ETS2: variants seen among roughly 807,000 people sequenced by gnomAD.
ETS2 encodes ETS proto-oncogene 2, transcription factor.
ETS2 carries 19 observed loss-of-function variants against 54.9 expected under a neutral mutation model. The observed-to-expected ratio is 0.35, with a 90% CI of 0.24 to 0.51. ETS2 has a LOEUF of 0.51. ETS2 is among the 20% of genes least tolerant of loss of function. ETS2 has a pLI of 0.97. For missense variants in ETS2, 417 were observed against 593.0 expected, an observed-to-expected ratio of 0.70 and a Z score of 3.08; for synonymous variants, 219 against 229.3, an observed-to-expected ratio of 0.95 and a Z score of 0.41.
chr21:38,809,956 TC>T, intron 1 of ETS2, 78 bp from the exon 2 acceptor site: 2 of 894,070 alleles, frequency 2.2e-6, no homozygotes, highest in South Asian at 1.7e-5. Context: ...TCAGCCAGGA[TC>T]AAGTCTTGAT....
chr21:38,823,662 C>T lies in ETS2; in HGVS notation c.*773C>T, dbSNP rs2060967589. 6.6e-6 allele frequency: 1 copy of T among 152,398 alleles called. No homozygotes were observed. The highest frequency in any genetic ancestry group is 1.5e-5 in the Non-Finnish European group (1 of 68,128). 9.4% of individuals were successfully genotyped at this position (152,398 alleles called of 1,614,324 possible). ...GTTTGTTTTTGGGGGGTTTTCTTGC[C>T]TTGGTTGTCTGGCAAGGACTTTGTA... On this transcript the variant is annotated 3_prime_UTR_variant, in exon 10 of 10. Coordinates refer to ENST00000360938, the MANE Select transcript of ETS2 (RefSeq NM_005239.6).
At chr21:38,819,461 G>A (rs1412274865) in intron 7 of ETS2, 42 bp from the exon 8 acceptor site, 1 of 1,604,988 alleles carries the variant, frequency 6.2e-7, no homozygotes, top group Admixed American at 1.7e-5. Flanking sequence ...GACCAACTGT[G>A]TCCTGGAGGA....
chr21:38,805,491 C>G (rs549200277), upstream of ETS2: 54 of 1,288,082 alleles, frequency 4.2e-5, no homozygotes, highest in African/African-American at 4.7e-4. This position sits in a 1 kb window ranked among gnomAD's most constrained non-coding sequence, Gnocchi z 5.2. Flanking sequence ...GAGCGCTCCA[C>G]GGAAAGTCTC....
At chr21:38,809,157 AT>A (rs1420342873) in intron 1 of ETS2, among the ~76,000 whole-genome samples, 2 of 152,254 alleles carry the variant, frequency 1.3e-5, no homozygotes, top group Non-Finnish European at 2.9e-5. Flanking sequence ...TATTCGAAAT[AT>A]TATGTATGTA....
chr21:38,810,428 G>C (rs932921538), intron 2 of ETS2, among the ~76,000 whole-genome samples: 2 of 152,148 alleles, frequency 1.3e-5, no homozygotes, highest in African/African-American at 4.8e-5. Context: ...TGCCTTTTCT[G>C]TCTACCCAGG....
rs1569025995 is a variant in ETS2, at chr21:38,819,766, G to GGT, written c.1075+8_1075+9dup. The GGT allele has an allele frequency of 1.2e-6, 2 of 1,611,984 alleles. No individual in the cohort carries two copies. Among genetic ancestry groups the GGT allele is most frequent in the South Asian group, 1.1e-5 (1 of 90,888 alleles). ...TGCAGCTGTGCTGGCCGGCTTCACAGGTGTGTGTGGAACTCCGAGAGCCTG... is the reference window on the plus strand; with the variant it reads ...TGCAGCTGTGCTGGCCGGCTTCACAGGTGTGTGTGTGGAACTCCGAGAGCCTG... On this transcript the variant is annotated frameshift_variant and splice_region_variant. Transcript: ENST00000360938. LOFTEE classifies it high-confidence loss of function.
intron 7 of ETS2, 69 bp from the exon 8 acceptor site, chr21:38,819,434 G>A: frequency 6.8e-7 from 1 of 1,460,288 alleles, no homozygotes; most frequent in East Asian, 2.3e-5. Context: ...GGTTGGTGAT[G>A]CTATGGTCGT....
Position 38,819,561 on chromosome 21 carries a change from C to T in ETS2, c.870C>T (p.Asp290=), listed in dbSNP as rs1275350304. 1.2e-6 allele frequency: 2 copies of T among 1,614,198 alleles called. No individual in the cohort carries two copies. The highest frequency in any genetic ancestry group is 1.7e-6 in the Non-Finnish European group (2 of 1,180,014). The change falls in exon 8 of 10, where the codon GAC becomes GAT. Residue 290 remains aspartate, a synonymous_variant. Coordinates refer to ENST00000360938, the MANE Select transcript of ETS2 (RefSeq NM_005239.6). ...ENGADSFESS[D]SLLQSWNSQS... Reference sequence around the variant, plus strand: ...GTGCGGACAGCTTCGAGAGCTCAGACTCCCTCCTCCAGTCCTGGAACAGCC... The same window carrying T: ...GTGCGGACAGCTTCGAGAGCTCAGATTCCCTCCTCCAGTCCTGGAACAGCC...
In ETS2 at chr21:38,817,018, A is replaced by C. The variant is rs747434496; in HGVS notation, c.516A>C (p.Glu172Asp). 6.2e-7 allele frequency: 1 copy of C among 1,610,180 alleles called. No individual in the cohort carries two copies. Among genetic ancestry groups the C allele is most frequent in the Admixed American group, 1.7e-5 (1 of 59,996 alleles). Residue 172 changes from glutamate to aspartate, a missense_variant, in exon 6 of 10, where the codon GAA becomes GAC. This residue lies in a region of ETS2 where 326 missense variants were observed against 426.1 expected (regional missense o/e 0.76). Coordinates refer to ENST00000360938, the MANE Select transcript of ETS2 (RefSeq NM_005239.6). The stretch of plus-strand genomic sequence containing the variant: ...GTGTCTGCTTTTCAGAAAACCAAGA[A>C]AAGACAGAAGATCAATATGAAGAAA... ...HLEQMIKENQEKTEDQYEENS... is the reference protein window; with the variant it reads ...HLEQMIKENQDKTEDQYEENS...
chr21:38,811,415 C>T (rs1212021379), intron 2 of ETS2, among the ~76,000 whole-genome samples: 1 of 152,138 alleles, frequency 6.6e-6, no homozygotes, highest in Non-Finnish European at 1.5e-5. Context: ...GGGCTCCAGC[C>T]TCTGCCTGCC....
At chr21:38,811,619 C>T (rs528134258) in intron 2 of ETS2, among the ~76,000 whole-genome samples, 28 of 152,222 alleles carry the variant, frequency 1.8e-4, no homozygotes, top group African/African-American at 5.5e-4. Flanking sequence ...ACAATTTAGG[C>T]GATGATGAAT....
rs570937767 is a variant in ETS2 at position 38,812,579 on chromosome 21, G to A, written c.73-424G>A. On this transcript the variant is annotated intron_variant, in intron 2 of 9. Coordinates refer to ENST00000360938, the MANE Select transcript of ETS2 (RefSeq NM_005239.6). ...GTGGATTACACGAGGTCAGGAGTTT[G>A]AGACCAGCCTGGCCAACATGGTGAA... Among the ~76,000 whole-genome samples the A allele has an allele frequency of 3.9e-4, 59 of 152,314 alleles. No homozygotes were observed. The South Asian group carries it at 0.01, about 26-fold the overall frequency.
Position 38,823,036 on chromosome 21 carries a change from A to T in ETS2, c.*147A>T. On this transcript the variant is annotated 3_prime_UTR_variant, in exon 10 of 10. Transcript: ENST00000360938. ...AAGCAGTGGCCTTATTGCATCCCAA[A>T]CCACGCCTCTTGACCAGGCTGCCTC... 1.8e-6 allele frequency: 1 copy of T among 551,612 alleles called. No individual in the cohort carries two copies. The highest frequency in any genetic ancestry group is 3.0e-6 in the Non-Finnish European group (1 of 335,336). The allele number at this position is 551,612 out of a possible 1,614,324, so 34.2% of individuals were successfully genotyped here. A position where few individuals can be genotyped will look rare whatever the true frequency, so the allele number is the denominator to read the frequency against.
chr21:38,814,072 T>A lies in ETS2; in HGVS notation c.185-201T>A, dbSNP rs2060923379. On this transcript the variant is annotated intron_variant, in intron 3 of 9. Coordinates refer to ENST00000360938, the MANE Select transcript of ETS2 (RefSeq NM_005239.6). The surrounding 1 kb of genome is among the most constrained non-coding windows in gnomAD (Gnocchi z 4.2). ...ATCTGAGTTTTATTTTAGATTTTTT[T>A]AATAAGTATAGTTCTGAGATATATA... Among the ~76,000 whole-genome samples, 3 of 152,392 alleles carry A rather than the reference T, an allele frequency of 2.0e-5. No individual in the cohort carries two copies. Among genetic ancestry groups the A allele is most frequent in the Admixed American group, 6.5e-5 (1 of 15,310 alleles).
At chr21:38,805,670 C>A (rs905937997), upstream of ETS2, 1 of 1,190,116 alleles carries the variant, frequency 8.4e-7, no homozygotes, top group Admixed American at 3.3e-5. This position sits in a 1 kb window ranked among gnomAD's most constrained non-coding sequence, Gnocchi z 5.2. Context: ...CCTCCGCCCT[C>A]CTCTTCTCTC....
intron 5 of ETS2, among the ~76,000 whole-genome samples, chr21:38,815,344 A>G (rs2060929023): frequency 6.6e-6 from 1 of 152,156 alleles, no homozygotes; most frequent in African/African-American, 2.4e-5. Flanking sequence ...CTCACCTTAC[A>G]GAGCTAAGAG....
Position 38,823,809 on chromosome 21 carries a change from T to C in ETS2, c.*920T>C, listed in dbSNP as rs962084419. 2.0e-5 allele frequency: 3 copies of C among 152,662 alleles called. No homozygotes were observed. The highest frequency in any genetic ancestry group is 7.2e-5 in the African/African-American group (3 of 41,466). 9.5% of individuals were successfully genotyped at this position (152,662 alleles called of 1,614,324 possible). ...AGTATTTTTCTTGACAAATGGCATA[T>C]GTTTTCCACTTCTTTGCATGCGTTT... On this transcript the variant is annotated 3_prime_UTR_variant, in exon 10 of 10. Coordinates refer to ENST00000360938, the MANE Select transcript of ETS2 (RefSeq NM_005239.6).
Position 38,814,220 on chromosome 21 carries a change from C to A in ETS2, c.185-53C>A. The A allele has an allele frequency of 1.3e-6, 2 of 1,582,826 alleles. No homozygotes were observed. Among genetic ancestry groups the A allele is most frequent in the Non-Finnish European group, 1.7e-6 (2 of 1,158,084 alleles). On this transcript the variant is annotated intron_variant, in intron 3 of 9. Coordinates refer to ENST00000360938, the MANE Select transcript of ETS2 (RefSeq NM_005239.6). This position sits in a 1 kb window ranked among gnomAD's most constrained non-coding sequence, Gnocchi z 4.2. The stretch of plus-strand genomic sequence containing the variant: ...CTAAGATGTCTCTCCTAAATCTCCA[C>A]CTGATATCACCAACTTGAAGTCCTA...
chr21:38,814,234 C>T lies in ETS2; in HGVS notation c.185-39C>T. ...CTAAATCTCCACCTGATATCACCAA[C>T]TTGAAGTCCTAATGTCCCCATGGGG... On this transcript the variant is annotated intron_variant, in intron 3 of 9. Coordinates refer to ENST00000360938, the MANE Select transcript of ETS2 (RefSeq NM_005239.6). This position sits in a 1 kb window ranked among gnomAD's most constrained non-coding sequence, Gnocchi z 4.2. 3.1e-6 allele frequency: 5 copies of T among 1,603,000 alleles called. No homozygotes were observed. Among genetic ancestry groups the T allele is most frequent in the Non-Finnish European group, 4.3e-6 (5 of 1,173,728 alleles).
Sources: allele counts gnomAD v4.1 joint callset (sites outside exome capture counted in the v4.1 genomes callset), GRCh38; gene constraint gnomAD v4.1.1; regional missense constraint gnomAD v4.1.1; non-coding constraint Gnocchi (gnomAD v3.1); transcripts MANE v1.5; gene names NCBI Gene and HGNC (gene_info 2026-07-23, HGNC 2026-07-21).